Variants in TNRC6A observed in about 807,000 individuals in gnomAD.
TNRC6A encodes the protein trinucleotide repeat containing adaptor 6A, also known as trinucleotide repeat-containing gene 6A protein.
TNRC6A carries 44 observed loss-of-function variants against 221.2 expected under a neutral mutation model. The observed-to-expected ratio is 0.20, with a 90% confidence interval of 0.16 to 0.26. TNRC6A has a LOEUF of 0.26. Ranked by LOEUF, TNRC6A falls within the 10% of genes least tolerant of loss-of-function variation. The pLI is 1.00. For synonymous variants in TNRC6A, 847 were observed against 838.5 expected, an observed-to-expected ratio of 1.01 and a Z score of -0.18; for missense variants, 2,199 against 2,404.4, an observed-to-expected ratio of 0.91 and a Z score of 1.79.
chr16:24,627,359 C>T (rs991322274), intron 1 of TNRC6A, among the ~76,000 whole-genome samples: 1 of 152,008 alleles, frequency 6.6e-6, no homozygotes, highest in African/African-American at 2.4e-5. Flanking sequence ...TATTTATTCC[C>T]GTGTTCAAAA....
intron 12 of TNRC6A, 131 bp from the exon 13 acceptor site, chr16:24,804,574 C>G: frequency 2.2e-6 from 3 of 1,358,516 alleles, no homozygotes; most frequent in Non-Finnish European, 3.0e-6. Context: ...CTAATCCGAT[C>G]TCTTCTGTTT....
intron 2 of TNRC6A, among the ~76,000 whole-genome samples, chr16:24,735,704 G>A (rs1300013284): frequency 2.0e-4 from 30 of 152,178 alleles, no homozygotes; most frequent in Admixed American, 2.0e-3. Context: ...CATCTGAAAT[G>A]TCTGAAAGTA....
intron 2 of TNRC6A, among the ~76,000 whole-genome samples, chr16:24,747,727 T>TA (rs2057043613): frequency 1.3e-5 from 2 of 152,204 alleles, no homozygotes; most frequent in South Asian, 2.1e-4. Context: ...GAACAAAACT[T>TA]ACTCCCCTCT....
In TNRC6A at chr16:24,785,671, G is replaced by A. The variant is rs370340310; in HGVS notation, c.590-3561G>A. On this transcript the variant is annotated intron_variant, in intron 5 of 24. Transcript: ENST00000395799. ...TGACAAGTATTTTTGTCTTTTTCTT[G>A]TCATTATGGGAATGCTTCTGGTGTT... Among the ~76,000 whole-genome samples, 39 of 152,084 alleles carry A rather than the reference G, an allele frequency of 2.6e-4. 1 individual carries two copies. In the East Asian group the frequency reaches 3.5e-3, roughly 14 times the overall value.
intron 11 of TNRC6A, among the ~76,000 whole-genome samples, chr16:24,799,265 A>G (rs981061456): frequency 1.3e-5 from 2 of 152,236 alleles, no homozygotes; most frequent in African/African-American, 4.8e-5. Flanking sequence ...TCACAGAGCA[A>G]TCCAAAAGGG....
chr16:24,817,549 A>G (rs1204045439), intron 20 of TNRC6A, among the ~76,000 whole-genome samples: 1 of 152,210 alleles, frequency 6.6e-6, no homozygotes, highest in Non-Finnish European at 1.5e-5. Context: ...TTAATTGGTT[A>G]GCAAATAAAA....
chr16:24,773,729 G>C (rs1009117220), intron 4 of TNRC6A, among the ~76,000 whole-genome samples: 18 of 152,022 alleles, frequency 1.2e-4, no homozygotes, highest in South Asian at 4.2e-4. Context: ...TATCTTTTTA[G>C]TTGTTTTTTT....
chr16:24,771,564 A>ATGT (rs746938247), intron 4 of TNRC6A, among the ~76,000 whole-genome samples: 3 of 68,970 alleles, frequency 4.3e-5, no homozygotes, highest in South Asian at 4.6e-4. Context: ...GTTATGTTTT[A>ATGT]TGTTATGTTA....
chr16:24,695,797 T>C (rs2055846602), intron 2 of TNRC6A, among the ~76,000 whole-genome samples: 1 of 152,154 alleles, frequency 6.6e-6, no homozygotes, highest in South Asian at 2.1e-4. Context: ...GGATTGAGTC[T>C]TTTCAGCCCT....
intron 2 of TNRC6A, among the ~76,000 whole-genome samples, chr16:24,737,045 A>G (rs1328768916): frequency 1.3e-5 from 2 of 152,176 alleles, no homozygotes; most frequent in Non-Finnish European, 2.9e-5. Flanking sequence ...GCCCCATTGA[A>G]ATTAGAGTGG....
At chr16:24,718,712 T>G (rs1358048746) in intron 2 of TNRC6A, among the ~76,000 whole-genome samples, 1 of 151,986 alleles carries the variant, frequency 6.6e-6, no homozygotes, top group Non-Finnish European at 1.5e-5. Flanking sequence ...TAGAAAGACC[T>G]CTTTGGTGGT....
chr16:24,666,494 G>A (rs2055164887), intron 2 of TNRC6A, among the ~76,000 whole-genome samples: 1 of 140,960 alleles, frequency 7.1e-6, no homozygotes, highest in Non-Finnish European at 1.5e-5. Context: ...AAAAAAATTA[G>A]ATGGGCATTG....
chr16:24,642,848 G>A (rs1902024556), intron 2 of TNRC6A, among the ~76,000 whole-genome samples: 1 of 151,478 alleles, frequency 6.6e-6, no homozygotes, highest in South Asian at 2.1e-4. Flanking sequence ...TTCAAGACCA[G>A]CCTAGGCAAT....
intron 21 of TNRC6A, among the ~76,000 whole-genome samples, chr16:24,819,079 A>G (rs2058713028): frequency 6.6e-6 from 1 of 152,166 alleles, no homozygotes; most frequent in African/African-American, 2.4e-5. Flanking sequence ...TTGCTAGGAA[A>G]ATGATGGCAC....
chr16:24,809,879 T>C (rs2058508668), intron 18 of TNRC6A, among the ~76,000 whole-genome samples: 1 of 152,270 alleles, frequency 6.6e-6, no homozygotes, highest in Non-Finnish European at 1.5e-5. Context: ...ATTGGCATGA[T>C]CTCAGCTCAC....
chr16:24,789,939 G>A lies in TNRC6A; in HGVS notation c.1297G>A (p.Gly433Ser). 1.9e-6 allele frequency: 3 copies of A among 1,613,800 alleles called. No homozygotes were observed. Among genetic ancestry groups the A allele is most frequent in the Non-Finnish European group, 2.5e-6 (3 of 1,179,944 alleles). The change falls in exon 6 of 25, where the codon GGT (glycine) becomes AGT (serine). Residue 433 changes from glycine (G) to serine (S), a missense_variant. Transcript: ENST00000395799. ...GGAAACTTGTGAATCTGAAGTAAGT[G>A]GTACACAGAAGGTTTCATTCAGTGG... ...LQETCESEVS[G>S]TQKVSFSGQP...
chr16:24,796,544 CAGAAT>C (rs2058222734), intron 9 of TNRC6A, among the ~76,000 whole-genome samples: 1 of 151,986 alleles, frequency 6.6e-6, no homozygotes, highest in Admixed American at 6.6e-5. Flanking sequence ...GCATTTCAGT[CAGAAT>C]AGAAAGGACA....
chr16:24,679,389 G>A (rs576424777), intron 2 of TNRC6A, among the ~76,000 whole-genome samples: 9 of 151,896 alleles, frequency 5.9e-5, no homozygotes, highest in South Asian at 4.2e-4. Flanking sequence ...AGGCAGCCTC[G>A]ACGTCCAGGG....
At chr16:24,678,547 C>T (rs1002431693) in intron 2 of TNRC6A, among the ~76,000 whole-genome samples, 47 of 152,110 alleles carry the variant, frequency 3.1e-4, no homozygotes, top group Admixed American at 7.2e-4. Flanking sequence ...AGCTTAGAAG[C>T]GGATTCTCCC....
Sources: gnomAD v4.1 joint callset for allele counts (sites outside exome capture counted in the v4.1 genomes callset) on GRCh38, gnomAD v4.1.1 for gene constraint, MANE v1.5 for transcripts, NCBI Gene and HGNC (gene_info 2026-07-23, HGNC 2026-07-21) for gene names.